VEPH1: variants seen among roughly 807,000 people sequenced by gnomAD.
VEPH1 encodes ventricular zone expressed PH domain containing 1.
VEPH1 carries 80 observed loss-of-function variants against 85.2 expected under a neutral mutation model. The observed-to-expected ratio is 0.94, with a 90% confidence interval of 0.78 to 1.13. The LOEUF (loss-of-function observed/expected upper bound fraction) is 1.13, where lower values mean the gene tolerates loss of function less well. Ranked by LOEUF, VEPH1 falls within the 50% of genes most tolerant of loss-of-function variation. The pLI is 0.00. For synonymous variants in VEPH1, 297 were observed against 348.0 expected (o/e 0.85, Z 1.63); for missense variants, 955 against 980.5 (o/e 0.97, Z 0.35).
intron 11 of VEPH1, among the ~76,000 whole-genome samples, chr3:157,305,333 A>G (rs1347874260): frequency 6.6e-6 from 1 of 151,246 alleles, no homozygotes; most frequent in Non-Finnish European, 1.5e-5. Context: ...GATGGTCTCG[A>G]TCTCCTGACC....
At chr3:157,486,862 T>G (rs1386973193) in intron 2 of VEPH1, among the ~76,000 whole-genome samples, 1 of 152,146 alleles carries the variant, frequency 6.6e-6, no homozygotes, top group Non-Finnish European at 1.5e-5. Context: ...AGTTAAGATT[T>G]AACTTAACAA....
chr3:157,341,997 G>T (rs1483065367), intron 9 of VEPH1, among the ~76,000 whole-genome samples: 1 of 152,132 alleles, frequency 6.6e-6, no homozygotes, highest in Non-Finnish European at 1.5e-5. Context: ...TCACCACCAG[G>T]CCTGCCCTAC....
chr3:157,436,873 C>T (rs1733620075), intron 4 of VEPH1: 17 of 1,576,420 alleles, frequency 1.1e-5, no homozygotes, highest in Non-Finnish European at 1.0e-5. Context: ...TCCGCTCAAA[C>T]TCAGCTCACT....
chr3:157,422,999 T>A lies in VEPH1; in HGVS notation c.696+5323A>T, dbSNP rs1232741449. Among the ~76,000 whole-genome samples, 7 of 152,322 alleles carry A rather than the reference T, an allele frequency of 4.6e-5. No individual in the cohort carries two copies. In the East Asian group the frequency reaches 1.4e-3, roughly 29 times the overall value. On this transcript the variant is annotated intron_variant, in intron 5 of 13. Coordinates refer to ENST00000362010, the MANE Select transcript of VEPH1 (RefSeq NM_001167912.2). The stretch of plus-strand genomic sequence containing the variant: ...ATGCCTGTCTCTTGTCTTTTTTACT[T>A]CTCTAGACCTTGACCCTGTTGAGCC...
chr3:157,479,421 T>C (rs1302327987), intron 2 of VEPH1, among the ~76,000 whole-genome samples: 1 of 152,188 alleles, frequency 6.6e-6, no homozygotes, highest in Non-Finnish European at 1.5e-5. Context: ...TCACTCTCAC[T>C]CAACACACCT....
intron 12 of VEPH1, among the ~76,000 whole-genome samples, chr3:157,270,855 C>T (rs1244005847): frequency 4.0e-5 from 6 of 151,794 alleles, no homozygotes; most frequent in South Asian, 4.2e-4. Context: ...CAAGTGCCAC[C>T]GAGAAGTACA....
intron 7 of VEPH1, among the ~76,000 whole-genome samples, chr3:157,376,525 T>C (rs1462315909): frequency 6.6e-6 from 1 of 152,262 alleles, no homozygotes; most frequent in African/African-American, 2.4e-5. Context: ...ATAGCCCTTG[T>C]ACCCTTTTGC....
At chr3:157,309,417 C>T (rs1296357573) in intron 11 of VEPH1, among the ~76,000 whole-genome samples, 1 of 152,136 alleles carries the variant, frequency 6.6e-6, no homozygotes, top group African/African-American at 2.4e-5. Flanking sequence ...GAACACATAT[C>T]ACTGAGTGTC....
intron 1 of VEPH1, among the ~76,000 whole-genome samples, chr3:157,501,500 G>C (rs1383754959): frequency 6.6e-6 from 1 of 152,130 alleles, no homozygotes; most frequent in Admixed American, 6.5e-5. Context: ...GCCCTCCAGG[G>C]CTCCAGCTAC....
chr3:157,429,602 C>G (rs1018323284), intron 4 of VEPH1, among the ~76,000 whole-genome samples: 4 of 152,034 alleles, frequency 2.6e-5, no homozygotes, highest in Admixed American at 2.6e-4. Context: ...ATCATGTTCC[C>G]CAGAATACAA....
chr3:157,486,849 T>C (rs1469159277), intron 2 of VEPH1, among the ~76,000 whole-genome samples: 1 of 152,118 alleles, frequency 6.6e-6, no homozygotes, highest in Non-Finnish European at 1.5e-5. Flanking sequence ...TCTGACTACA[T>C]GCAGTTAAGA....
chr3:157,409,621 C>T (rs2305621), intron 6 of VEPH1: 233,728 of 984,298 alleles, frequency 0.24, 29,519 homozygotes, highest in Non-Finnish European at 0.26. Flanking sequence ...TCTTCTCTGC[C>T]GAATGTAATA....
At chr3:157,272,480 C>T (rs1273397382) in intron 12 of VEPH1, among the ~76,000 whole-genome samples, 2 of 116,250 alleles carry the variant, frequency 1.7e-5, no homozygotes, top group Non-Finnish European at 3.5e-5. Flanking sequence ...TTTTTTTTTT[C>T]AGGGTCTCAC....
chr3:157,428,560 T>C (rs1413274417), intron 4 of VEPH1, 72 bp from the exon 5 acceptor site: 1 of 1,418,140 alleles, frequency 7.1e-7, no homozygotes, highest in African/African-American at 1.4e-5. Context: ...TTATTACCAA[T>C]GTAATAATAT....
At chr3:157,269,250 T>G (rs918449430) in intron 12 of VEPH1, among the ~76,000 whole-genome samples, 4 of 152,180 alleles carry the variant, frequency 2.6e-5, no homozygotes, top group African/African-American at 9.7e-5. Flanking sequence ...GCAAAATTGT[T>G]GGAGTCCTTA....
intron 11 of VEPH1, among the ~76,000 whole-genome samples, chr3:157,302,124 A>T (rs1315741578): frequency 6.6e-6 from 1 of 152,118 alleles, no homozygotes; most frequent in East Asian, 1.9e-4. Flanking sequence ...CTTACATGCC[A>T]TTCATTAGTT....
Position 157,368,476 on chromosome 3 carries a change from G to GGTTT in VEPH1, c.1128-3965_1128-3964insAAAC, listed in dbSNP as rs1553772835. On this transcript the variant is annotated intron_variant, in intron 7 of 13. Transcript: ENST00000362010. ...AATCTGAATTTCAGATAAACAATAA[G>GGTTT]TTTTTTGTTTGTTTGTTTGTTTGTT... is the stretch of plus-strand genomic sequence containing the variant. 8.8e-4 allele frequency among the ~76,000 whole-genome samples: 124 copies of GGTTT among 140,500 alleles called. 2 individuals carry two copies. The South Asian group carries it at 0.015, about 17-fold the overall frequency. The allele number at this position is 140,500 out of a possible 152,430, so 92.2% of individuals were successfully genotyped here.
intron 2 of VEPH1, among the ~76,000 whole-genome samples, chr3:157,492,737 C>T (rs1254922697): frequency 6.6e-6 from 1 of 152,078 alleles, no homozygotes; most frequent in Admixed American, 6.6e-5. Flanking sequence ...AATGAAAATG[C>T]TCTCTCTTTG....
chr3:157,297,537 G>A (rs753358676), intron 11 of VEPH1, among the ~76,000 whole-genome samples: 2 of 152,178 alleles, frequency 1.3e-5, no homozygotes, highest in Non-Finnish European at 2.9e-5. Flanking sequence ...GACATGGGGG[G>A]TGTAATGTGA....
Sources: gnomAD v4.1 joint callset for allele counts (sites outside exome capture counted in the v4.1 genomes callset) on GRCh38, gnomAD v4.1.1 for gene constraint, MANE v1.5 for transcripts, NCBI Gene and HGNC (gene_info 2026-07-23, HGNC 2026-07-21) for gene names.